The following SPATA2 variants were observed in gnomAD, a reference collection of about 807,000 sequenced individuals.
SPATA2 encodes spermatogenesis-associated protein 2.
SPATA2 carries 8 observed loss-of-function variants against 35.4 expected under a neutral mutation model. That is an observed-to-expected ratio of 0.23 (90% CI 0.13 to 0.41). The LOEUF (loss-of-function observed/expected upper bound fraction) is 0.41, where lower values mean the gene tolerates loss of function less well. Ranked by LOEUF, SPATA2 falls within the 10% of genes least tolerant of loss-of-function variation. The pLI, the probability that SPATA2 is intolerant of heterozygous loss-of-function variation, is 1.00. For synonymous variants in SPATA2, 293 were observed against 300.9 expected (o/e 0.97, Z 0.27); for missense variants, 650 against 698.7 (o/e 0.93, Z 0.79).
Position 49,908,286 on chromosome 20 carries a change from C to A in SPATA2, c.205G>T (p.Val69Leu). 6.2e-7 allele frequency: 1 copy of A among 1,614,216 alleles called. No individual in the cohort carries two copies. The highest frequency in any genetic ancestry group is 1.3e-5 in the African/African-American group (1 of 75,066). ...YRFRLIQFYE[V>L]VESSLRSLSS... The stretch of plus-strand genomic sequence containing the variant: ...AGCGAGCGCAAGGAGCTCTCCACCA[C>A]CTCATAGAACTGGATCAGCCGGAAT... Residue 69 changes from valine (V) to leucine (L), a missense_variant, in exon 2 of 3, where the codon GTG (valine) becomes TTG (leucine). Transcript: ENST00000289431.
rs1272918211 is a variant in SPATA2, at chr20:49,904,369, G to C, written c.*1250C>G. ...CTTTTAGTGCAAAAAGATTGCAAAT[G>C]TTGCAGATGAGTCCTGGAAACTGGT... is the stretch of plus-strand genomic sequence containing the variant. On this transcript the variant is annotated 3_prime_UTR_variant, in exon 3 of 3. Coordinates refer to ENST00000289431, the MANE Select transcript of SPATA2 (RefSeq NM_006038.4). The C allele has an allele frequency of 6.6e-6, 1 of 152,598 alleles. No homozygotes were observed. The highest frequency in any genetic ancestry group is 1.5e-5 in the Non-Finnish European group (1 of 68,040). The allele number at this position is 152,598 out of a possible 1,614,324, so 9.5% of individuals were successfully genotyped here.
At chr20:49,909,460 C>A (rs1420507851) in intron 1 of SPATA2, among the ~76,000 whole-genome samples, 1 of 149,694 alleles carries the variant, frequency 6.7e-6, no homozygotes, top group Non-Finnish European at 1.5e-5. Flanking sequence ...AATTCCTGAA[C>A]TTTGGGAGGC....
At position 49,906,645 on chromosome 20, in the gene SPATA2, G is replaced by T. The variant is rs1400718420; in HGVS notation, c.537C>A (p.Ile179=). The T allele has an allele frequency of 6.2e-7, 1 of 1,614,206 alleles. No homozygotes were observed. Among genetic ancestry groups the T allele is most frequent in the East Asian group, 2.2e-5 (1 of 44,886 alleles). The part of the protein sequence containing the change: ...AKVECEQMLE[I]HSQVKDKGYS... ...AGCCCTTGTCCTTCACTTGTGAGTG[G>T]ATTTCTAGCATCTGCTCACACTCGA... Residue 179 remains isoleucine (I), a synonymous_variant, in exon 3 of 3, where the codon ATC becomes ATA. Coordinates refer to ENST00000289431, the MANE Select transcript of SPATA2 (RefSeq NM_006038.4). The surrounding 1 kb of genome is among the most constrained non-coding windows in gnomAD (Gnocchi z 8.2).
chr20:49,907,424 T>C (rs1321098717), intron 2 of SPATA2, among the ~76,000 whole-genome samples: 1 of 152,062 alleles, frequency 6.6e-6, no homozygotes, highest in Non-Finnish European at 1.5e-5. Context: ...AAGACTCTAC[T>C]CCATATGAAG....
At position 49,906,140 on chromosome 20, in the gene SPATA2, G is replaced by A. The variant is rs567067785; in HGVS notation, c.1042C>T (p.Arg348Cys). ...YTDSEPRATYRRQDALRPDVW... is the reference protein window; with the variant it reads ...YTDSEPRATYCRQDALRPDVW... Reference sequence around the variant, plus strand: ...TCCGGCCGCAGAGCATCCTGCCGACGGTAGGTGGCCCTGGGTTCAGAGTCT... The same window carrying A: ...TCCGGCCGCAGAGCATCCTGCCGACAGTAGGTGGCCCTGGGTTCAGAGTCT... Residue 348 changes from arginine (R) to cysteine (C), a missense_variant, in exon 3 of 3, where the codon CGT becomes TGT. Arg to Cys is a radical substitution (Grantham distance 180). Transcript: ENST00000289431. This position sits in a 1 kb window ranked among gnomAD's most constrained non-coding sequence, Gnocchi z 8.2. 1.6e-5 allele frequency: 25 copies of A among 1,610,450 alleles called. No homozygotes were observed. The highest frequency in any genetic ancestry group is 1.7e-4 in the Middle Eastern group (1 of 6,048).
In SPATA2 at chr20:49,903,902, G is replaced by GATAGAGATATAT. The variant is rs1431587837; in HGVS notation, c.*1716_*1717insATATATCTCTAT. 4.1e-5 allele frequency: 4 copies of GATAGAGATATAT among 96,936 alleles called. No homozygotes were observed. Among genetic ancestry groups the GATAGAGATATAT allele is most frequent in the East Asian group, 2.6e-4 (1 of 3,854 alleles). 6.0% of individuals were successfully genotyped at this position (96,936 alleles called of 1,614,324 possible). ...ACATCTACATGTGATCTACCAGATA[G>GATAGAGATATAT]ATATATATATATATATATATATATA... On this transcript the variant is annotated 3_prime_UTR_variant, in exon 3 of 3. Transcript: ENST00000289431.
chr20:49,906,528 C>T lies in SPATA2; in HGVS notation c.654G>A (p.Arg218=). 1 of 1,612,574 alleles carries T rather than the reference C, an allele frequency of 6.2e-7. No individual in the cohort carries two copies. The change falls in exon 3 of 3, where the codon CGG becomes CGA. Residue 218 remains arginine, a synonymous_variant. Transcript: ENST00000289431. This position sits in a 1 kb window ranked among gnomAD's most constrained non-coding sequence, Gnocchi z 8.2. ...SDALRRRAEG[R]EHLTASMSRV... is the part of the protein sequence containing the mutation. Reference sequence around the variant, plus strand: ...GTGACATGGAGGCCGTCAGGTGCTCCCGGCCCTCTGCCCGCCGCCGCAGGG... The same window carrying T: ...GTGACATGGAGGCCGTCAGGTGCTCTCGGCCCTCTGCCCGCCGCCGCAGGG...
In SPATA2 at chr20:49,905,813, T is replaced by C; in HGVS notation, c.1369A>G (p.Thr457Ala). Reference sequence around the variant, plus strand: ...CGGTTGCAGAAGCCACAGCGGGAAGTGGGCGTGGTGGAGGGCTTGGATTTG... The same window carrying C: ...CGGTTGCAGAAGCCACAGCGGGAAGCGGGCGTGGTGGAGGGCTTGGATTTG... Reference protein sequence around the residue: ...HSKSKPSTTPTSRCGFCNRPG... With the variant: ...HSKSKPSTTPASRCGFCNRPG... The change falls in exon 3 of 3, where the codon ACT becomes GCT. Residue 457 changes from threonine (T) to alanine (A), a missense_variant. Transcript: ENST00000289431. 1 of 1,614,122 alleles carries C rather than the reference T, an allele frequency of 6.2e-7. No individual in the cohort carries two copies. Among genetic ancestry groups the C allele is most frequent in the Non-Finnish European group, 8.5e-7 (1 of 1,179,996 alleles).
chr20:49,905,501 C>T lies in SPATA2; in HGVS notation c.*118G>A. ...GACACAGCCAGCCCACGATCTCTGC[C>T]ACCTACATGGTCAAGTGCAGGCCTC... On this transcript the variant is annotated 3_prime_UTR_variant, in exon 3 of 3. Coordinates refer to ENST00000289431, the MANE Select transcript of SPATA2 (RefSeq NM_006038.4). 1.7e-6 allele frequency: 2 copies of T among 1,167,762 alleles called. No individual in the cohort carries two copies. The highest frequency in any genetic ancestry group is 2.4e-6 in the Non-Finnish European group (2 of 824,372). 72.3% of individuals were successfully genotyped at this position (1,167,762 alleles called of 1,614,324 possible). A position where few individuals can be genotyped will look rare whatever the true frequency, so the allele number is the denominator to read the frequency against.
intron 2 of SPATA2, among the ~76,000 whole-genome samples, chr20:49,907,151 C>T (rs1414675230): frequency 1.3e-5 from 2 of 152,164 alleles, no homozygotes; most frequent in Non-Finnish European, 2.9e-5. Flanking sequence ...ACCTCCGCCT[C>T]CTGGGTTCAA....
rs1230041378 is a variant in SPATA2, at chr20:49,906,154, G to A, written c.1028C>T (p.Pro343Leu). Residue 343 changes from proline to leucine, a missense_variant, in exon 3 of 3, where the codon CCC becomes CTC. By Grantham distance (98) the Pro-to-Leu change is moderately conservative. Coordinates refer to ENST00000289431, the MANE Select transcript of SPATA2 (RefSeq NM_006038.4). The surrounding 1 kb of genome is among the most constrained non-coding windows in gnomAD (Gnocchi z 8.2). ...ATCCTGCCGACGGTAGGTGGCCCTG[G>A]GTTCAGAGTCTGTGTACAGATCCAC... ...DDVDLYTDSE[P>L]RATYRRQDAL... 1 of 1,606,734 alleles carries A rather than the reference G, an allele frequency of 6.2e-7. No individual in the cohort carries two copies. Among genetic ancestry groups the A allele is most frequent in the Non-Finnish European group, 8.5e-7 (1 of 1,176,056 alleles).
At chr20:49,907,123 C>T (rs1463265434) in intron 2 of SPATA2, among the ~76,000 whole-genome samples, 4 of 152,118 alleles carry the variant, frequency 2.6e-5, no homozygotes, top group South Asian at 2.1e-4. Context: ...TGCGGTGGTG[C>T]GATCTTGGCT....
intron 2 of SPATA2, among the ~76,000 whole-genome samples, chr20:49,907,310 C>T (rs898427457): frequency 1.3e-5 from 2 of 152,172 alleles, no homozygotes; most frequent in African/African-American, 4.8e-5. Flanking sequence ...CCACCCGCCT[C>T]GGCCTCCCAA....
chr20:49,914,835 C>T (rs953027566), intron 1 of SPATA2, among the ~76,000 whole-genome samples: 3 of 151,996 alleles, frequency 2.0e-5, no homozygotes, highest in Non-Finnish European at 4.4e-5. Flanking sequence ...CAAATTCTGG[C>T]CCCCCCTACG....
chr20:49,910,648 T>C (rs1227932329), intron 1 of SPATA2, among the ~76,000 whole-genome samples: 1 of 152,118 alleles, frequency 6.6e-6, no homozygotes, highest in Non-Finnish European at 1.5e-5. Flanking sequence ...GGGACTCCTT[T>C]AGCAGACCTG....
At chr20:49,913,136 G>A (rs571444701) in intron 1 of SPATA2, among the ~76,000 whole-genome samples, 1 of 152,074 alleles carries the variant, frequency 6.6e-6, no homozygotes, top group African/African-American at 2.4e-5. Flanking sequence ...AGGAAAGAAA[G>A]AGACTAACAA....
At chr20:49,911,598 C>T (rs775666042) in intron 1 of SPATA2, among the ~76,000 whole-genome samples, 1 of 150,846 alleles carries the variant, frequency 6.6e-6, no homozygotes, top group African/African-American at 2.4e-5. Context: ...ACCCAGGAGG[C>T]GGAGGCTGCA....
chr20:49,910,602 G>T (rs924604792), intron 1 of SPATA2, among the ~76,000 whole-genome samples: 1 of 152,180 alleles, frequency 6.6e-6, no homozygotes, highest in African/African-American at 2.4e-5. Context: ...GCAAGGGGCT[G>T]AGAGAAGCTG....
chr20:49,905,397 A>G lies in SPATA2; in HGVS notation c.*222T>C. The G allele has an allele frequency of 1.7e-6, 1 of 577,008 alleles. No homozygotes were observed. Among genetic ancestry groups the G allele is most frequent in the South Asian group, 2.3e-5 (1 of 42,878 alleles). 35.7% of individuals were successfully genotyped at this position (577,008 alleles called of 1,614,324 possible). ...AGATTAGCAAAATGAATCTGAACGG[A>G]AGTGCCACCTTCTCCCTTGTCAGAC... On this transcript the variant is annotated 3_prime_UTR_variant, in exon 3 of 3. Coordinates refer to ENST00000289431, the MANE Select transcript of SPATA2 (RefSeq NM_006038.4).
Sources: allele counts gnomAD v4.1 joint callset (sites outside exome capture counted in the v4.1 genomes callset), GRCh38; gene constraint gnomAD v4.1.1; non-coding constraint Gnocchi (gnomAD v3.1); transcripts MANE v1.5; gene names NCBI Gene and HGNC (gene_info 2026-07-23, HGNC 2026-07-21).